EHBP1: variants seen among roughly 807,000 people sequenced by gnomAD.
EHBP1 encodes EH domain-binding protein 1.
Under a neutral mutation model 144.0 loss-of-function variants are expected in EHBP1, and 55 were observed. That is an observed-to-expected ratio of 0.38 (90% CI 0.31 to 0.48). The LOEUF is 0.48. EHBP1 is among the 20% of genes least tolerant of loss of function. The pLI is 0.98. For missense variants in EHBP1, 1,200 were observed against 1,364.2 expected, an observed-to-expected ratio of 0.88 and a Z score of 1.90; for synonymous variants, 469 against 472.7, an observed-to-expected ratio of 0.99 and a Z score of 0.10.
intron 19 of EHBP1, among the ~76,000 whole-genome samples, chr2:63,034,211 T>C (rs1431177974): frequency 6.6e-6 from 1 of 152,102 alleles, no homozygotes. Flanking sequence ...TTATTTATAA[T>C]AAACATGAGG....
At chr2:62,911,619 G>T (rs1475719931) in intron 10 of EHBP1, among the ~76,000 whole-genome samples, 1 of 151,968 alleles carries the variant, frequency 6.6e-6, no homozygotes, top group Non-Finnish European at 1.5e-5. Context: ...CCATCACCAC[G>T]GCCAGCTAAT....
chr2:62,993,568 A>G lies in EHBP1; in HGVS notation c.2772A>G (p.Lys924=). The G allele has an allele frequency of 1.9e-6, 3 of 1,604,124 alleles. No individual in the cohort carries two copies. Among genetic ancestry groups the G allele is most frequent in the Non-Finnish European group, 2.6e-6 (3 of 1,173,592 alleles). The change falls in exon 17 of 23, where the codon AAA becomes AAG. Residue 924 remains lysine, a synonymous_variant. Coordinates refer to ENST00000431489, the MANE Select transcript of EHBP1 (RefSeq NM_001142616.3). Reference sequence around the variant, plus strand: ...ATCTCCGGACTGAACGATTACAAAAAACAACAGAACGTTTTAGAAATCCTG... The same window carrying G: ...ATCTCCGGACTGAACGATTACAAAAGACAACAGAACGTTTTAGAAATCCTG... ...TEDLRTERLQ[K]TTERFRNPVV... is the part of the protein sequence containing the mutation.
At chr2:62,832,507 A>G (rs2046896530) in intron 7 of EHBP1, among the ~76,000 whole-genome samples, 2 of 138,708 alleles carry the variant, frequency 1.4e-5, no homozygotes, top group African/African-American at 5.4e-5. Flanking sequence ...CTATCAGCTT[A>G]GTCTGTTTAG....
At chr2:62,895,781 T>C (rs1055015284) in intron 10 of EHBP1, among the ~76,000 whole-genome samples, 1 of 152,052 alleles carries the variant, frequency 6.6e-6, no homozygotes, top group Non-Finnish European at 1.5e-5. Context: ...CAAAATTGTT[T>C]AGTTAGAAGA....
intron 2 of EHBP1, among the ~76,000 whole-genome samples, chr2:62,722,449 A>G (rs1343386186): frequency 1.3e-5 from 2 of 151,946 alleles, no homozygotes; most frequent in Admixed American, 6.6e-5. Flanking sequence ...TTTTTTTTAA[A>G]CATAACCACA....
At chr2:62,825,056 C>T (rs767382994) in intron 5 of EHBP1, among the ~76,000 whole-genome samples, 10 of 151,894 alleles carry the variant, frequency 6.6e-5, no homozygotes, top group Non-Finnish European at 1.3e-4. Flanking sequence ...CAAGGTCACA[C>T]AGCTTGAAAA....
intron 2 of EHBP1, among the ~76,000 whole-genome samples, chr2:62,731,560 A>G (rs945961323): frequency 7.2e-5 from 11 of 152,106 alleles, no homozygotes; most frequent in African/African-American, 2.7e-4. Flanking sequence ...TTCTTTATCA[A>G]GTTGAGGAAG....
chr2:62,852,601 T>C (rs1286816627), intron 7 of EHBP1, among the ~76,000 whole-genome samples: 1 of 152,092 alleles, frequency 6.6e-6, no homozygotes, highest in African/African-American at 2.4e-5. Flanking sequence ...TAGCTGCTGT[T>C]GTTAATATTT....
chr2:62,977,685 T>G (rs1285678857), intron 14 of EHBP1, among the ~76,000 whole-genome samples: 1 of 152,096 alleles, frequency 6.6e-6, no homozygotes, highest in African/African-American at 2.4e-5. Context: ...AATTATGTGC[T>G]AAAGACCAGA....
At chr2:62,987,677 C>G (rs2059253872) in intron 15 of EHBP1, among the ~76,000 whole-genome samples, 1 of 152,124 alleles carries the variant, frequency 6.6e-6, no homozygotes, top group South Asian at 2.1e-4. Context: ...GATTCAGAGA[C>G]AGCGTGTGGC....
chr2:62,800,235 C>A (rs1019054451), intron 5 of EHBP1, among the ~76,000 whole-genome samples: 2 of 151,900 alleles, frequency 1.3e-5, no homozygotes, highest in African/African-American at 4.8e-5. Flanking sequence ...ATAGGAGTGT[C>A]CTTGAAAAAA....
intron 19 of EHBP1, 71 bp downstream of exon 19, chr2:62,996,837 A>T: frequency 6.4e-7 from 1 of 1,569,558 alleles, no homozygotes; most frequent in South Asian, 1.2e-5. Context: ...AGAGTTTTGG[A>T]AGTGTGAATC....
intron 14 of EHBP1, among the ~76,000 whole-genome samples, chr2:62,958,019 G>A (rs981209774): frequency 9.9e-5 from 15 of 152,074 alleles, no homozygotes; most frequent in Non-Finnish European, 1.5e-4. Context: ...ACTCAAAGCC[G>A]CAGTGAGATA....
At chr2:62,873,739 CAATATTAGG>C in intron 9 of EHBP1, among the ~76,000 whole-genome samples, 1 of 152,120 alleles carries the variant, frequency 6.6e-6, no homozygotes, top group South Asian at 2.1e-4. Context: ...TACAAAGGAG[CAATATTAGG>C]CTGACAGTGG....
At chr2:62,801,387 A>G (rs1426357216) in intron 5 of EHBP1, among the ~76,000 whole-genome samples, 5 of 152,280 alleles carry the variant, frequency 3.3e-5, no homozygotes, top group Admixed American at 6.5e-5. Context: ...TATCAATCAC[A>G]CCATCTATAC....
rs563798595 is a variant in EHBP1 at position 62,738,133 on chromosome 2, C to G, written c.105-9262C>G. Among the ~76,000 whole-genome samples, 38 of 152,146 alleles carry G rather than the reference C, an allele frequency of 2.5e-4. No individual in the cohort carries two copies. In the South Asian group the frequency reaches 7.5e-3, roughly 30 times the overall value. ...ATTTTATTGTTCAGCAACATACTTT[C>G]AACTGTTCTTTTACTATTTTGATTG... is the stretch of plus-strand genomic sequence containing the variant. On this transcript the variant is annotated intron_variant, in intron 2 of 22. Coordinates refer to ENST00000431489, the MANE Select transcript of EHBP1 (RefSeq NM_001142616.3).
chr2:63,000,098 A>G (rs2059788532), intron 19 of EHBP1, among the ~76,000 whole-genome samples: 1 of 151,980 alleles, frequency 6.6e-6, no homozygotes, highest in Non-Finnish European at 1.5e-5. Flanking sequence ...TCCTGGGGGG[A>G]GGCAGGATGG....
intron 19 of EHBP1, among the ~76,000 whole-genome samples, chr2:63,019,703 T>C (rs2060625176): frequency 7.7e-6 from 1 of 129,338 alleles, no homozygotes; most frequent in Non-Finnish European, 1.6e-5. Flanking sequence ...CGAGACTCCA[T>C]CTCAAAAAAA....
intron 18 of EHBP1, among the ~76,000 whole-genome samples, chr2:62,995,588 T>G (rs2059597959): frequency 6.6e-6 from 1 of 152,056 alleles, no homozygotes; most frequent in African/African-American, 2.4e-5. Context: ...ACAGAAGAAG[T>G]TTGTTCACAT....
Sources: gnomAD v4.1 joint callset for allele counts (sites outside exome capture counted in the v4.1 genomes callset) on GRCh38, gnomAD v4.1.1 for gene constraint, MANE v1.5 for transcripts, NCBI Gene and HGNC (gene_info 2026-07-23, HGNC 2026-07-21) for gene names.